The following ULK4 variants were observed in gnomAD, a reference collection of about 807,000 sequenced individuals.
ULK4 encodes the protein inactive serine/threonine-protein kinase ULK4.
ULK4 carries 133 observed loss-of-function variants against 160.6 expected under a neutral mutation model. That is an observed-to-expected ratio of 0.83 (90% confidence interval 0.72 to 0.96). The LOEUF is 0.96. Ranked by LOEUF, ULK4 falls within the 40% of genes least tolerant of loss-of-function variation. The probability of loss-of-function intolerance (pLI) is 0.00; values close to 1 mark genes in which losing one functional copy is unlikely to be tolerated. For synonymous variants in ULK4, 534 were observed against 539.8 expected, an observed-to-expected ratio of 0.99 and a Z score of 0.15; for missense variants, 1,580 against 1,499.5, an observed-to-expected ratio of 1.05 and a Z score of -0.89.
At chr3:41,749,933 TGAA>T (rs1011392820) in intron 22 of ULK4, among the ~76,000 whole-genome samples, 1 of 151,578 alleles carries the variant, frequency 6.6e-6, no homozygotes, top group African/African-American at 2.4e-5. Flanking sequence ...AAACTGTCAA[TGAA>T]GAAGGACAGA....
rs768691723 is a variant in ULK4 at position 41,789,858 on chromosome 3, G to T, written c.2011-15C>A. 3.8e-6 allele frequency: 6 copies of T among 1,573,926 alleles called. No homozygotes were observed. Among genetic ancestry groups the T allele is most frequent in the Non-Finnish European group, 5.2e-6 (6 of 1,160,512 alleles). Reference sequence around the variant, plus strand: ...CTACACAAGGCCTACAAAGACAAGAGAACAGACCTGTCAGGCAACTCCAAG... The same window carrying T: ...CTACACAAGGCCTACAAAGACAAGATAACAGACCTGTCAGGCAACTCCAAG... On this transcript the variant is annotated splice_polypyrimidine_tract_variant and intron_variant, in intron 20 of 36. Transcript: ENST00000301831.
At chr3:41,607,782 CCATGGGCATACA>C (rs989481221) in intron 31 of ULK4, among the ~76,000 whole-genome samples, 2 of 152,004 alleles carry the variant, frequency 1.3e-5, no homozygotes, top group Non-Finnish European at 2.9e-5. Context: ...TAAAAAATAC[CCATGGGCATACA>C]CATGGGCATA....
intron 35 of ULK4, among the ~76,000 whole-genome samples, chr3:41,395,386 ATCAAT>A (rs1384144998): frequency 6.6e-6 from 1 of 152,172 alleles, no homozygotes; most frequent in African/African-American, 2.4e-5. Context: ...ACAAATGTCC[ATCAAT>A]GGATAACACA....
intron 30 of ULK4, among the ~76,000 whole-genome samples, chr3:41,625,156 C>T (rs888575980): frequency 3.9e-5 from 6 of 152,124 alleles, no homozygotes; most frequent in African/African-American, 9.7e-5. Context: ...TGGGTATTGA[C>T]TAGCATGTTT....
intron 19 of ULK4, among the ~76,000 whole-genome samples, chr3:41,806,973 C>T (rs2040661406): frequency 6.6e-6 from 1 of 151,930 alleles, no homozygotes; most frequent in Non-Finnish European, 1.5e-5. Flanking sequence ...CGTGGCAAAA[C>T]CTCTTGTCTC....
At position 41,349,536 on chromosome 3, in the gene ULK4, T is replaced by C. The variant is rs1044620596; in HGVS notation, c.3678+48543A>G. Among the ~76,000 whole-genome samples the C allele has an allele frequency of 9.9e-5, 15 of 152,164 alleles. 1 individual carries two copies. Among genetic ancestry groups the C allele is most frequent in the Non-Finnish European group, 2.9e-5 (2 of 68,038 alleles). On this transcript the variant is annotated intron_variant, in intron 35 of 36. Transcript: ENST00000301831. ...TTCCATGCACCAATACTCAACATTT[T>C]ATGGGCAGACGCATGAGAGGGGCCT...
intron 5 of ULK4, among the ~76,000 whole-genome samples, chr3:41,926,842 G>A (rs545716806): frequency 6.6e-6 from 1 of 151,998 alleles, no homozygotes; most frequent in East Asian, 1.9e-4. Flanking sequence ...CAAGAAATAT[G>A]GGACTGTCAA....
At chr3:41,684,257 C>T (rs966911059) in intron 27 of ULK4, among the ~76,000 whole-genome samples, 1 of 152,192 alleles carries the variant, frequency 6.6e-6, no homozygotes, top group Non-Finnish European at 1.5e-5. Context: ...TTCTTACCAG[C>T]CAGGCTTCTG....
At chr3:41,714,887 T>C (rs576189405) in intron 25 of ULK4, among the ~76,000 whole-genome samples, 2 of 147,424 alleles carry the variant, frequency 1.4e-5, no homozygotes, top group East Asian at 3.9e-4. Flanking sequence ...GATTGGACAA[T>C]ATAAGCCGAA....
intron 31 of ULK4, among the ~76,000 whole-genome samples, chr3:41,571,796 A>T (rs6786017): frequency 0.061 from 9,354 of 152,256 alleles, 861 homozygotes; most frequent in African/African-American, 0.2. Flanking sequence ...AAAATCTTGA[A>T]ACATATATTT....
At chr3:41,576,381 C>T (rs186528265) in intron 31 of ULK4, among the ~76,000 whole-genome samples, 1 of 152,304 alleles carries the variant, frequency 6.6e-6, no homozygotes, top group African/African-American at 2.4e-5. Context: ...AATCCCATCC[C>T]TCACCCAATG....
chr3:41,452,783 T>C (rs2083451245), intron 34 of ULK4, among the ~76,000 whole-genome samples: 1 of 152,080 alleles, frequency 6.6e-6, no homozygotes. Context: ...GAAAAATGCA[T>C]CTGGAAATGA....
chr3:41,841,450 C>T lies in ULK4; in HGVS notation c.1657-5479G>A, dbSNP rs570256274. On this transcript the variant is annotated intron_variant, in intron 17 of 36. Coordinates refer to ENST00000301831, the MANE Select transcript of ULK4 (RefSeq NM_017886.4). ...CCCGTCTGGGAAGTGGGCACCTCTG[C>T]CCGGCCGCCCCGTCTGGGAGGTGAG... is the stretch of plus-strand genomic sequence containing the variant. Among the ~76,000 whole-genome samples, 5 of 150,928 alleles carry T rather than the reference C, an allele frequency of 3.3e-5. No individual in the cohort carries two copies. In the East Asian group the frequency reaches 1.0e-3, roughly 30 times the overall value.
Position 41,919,742 on chromosome 3 carries a change from G to C in ULK4, c.618C>G (p.Gly206=). Residue 206 remains glycine, a synonymous_variant, in exon 6 of 37, where the codon GGC becomes GGG. Transcript: ENST00000301831. ...FSISSDLWSL[G]CLLYEMFSGK... ...CTGAAAACATTTCATAAAGCAGACA[G>C]CCCAAAGACCAGAGGTCACTGGAGA... The C allele has an allele frequency of 1.2e-6, 2 of 1,613,982 alleles. No individual in the cohort carries two copies. Among genetic ancestry groups the C allele is most frequent in the Non-Finnish European group, 1.7e-6 (2 of 1,179,918 alleles).
chr3:41,897,123 A>G (rs1480425650), intron 14 of ULK4, 120 bp from the exon 15 acceptor site: 6 of 801,688 alleles, frequency 7.5e-6, no homozygotes, highest in Admixed American at 3.0e-5. Context: ...TTACACTGTC[A>G]AAACCAAAAA....
intron 34 of ULK4, among the ~76,000 whole-genome samples, chr3:41,449,757 A>C (rs1321515009): frequency 6.6e-6 from 1 of 151,848 alleles, no homozygotes; most frequent in African/African-American, 2.4e-5. Context: ...CTTTTTCTAC[A>C]TTGTGTTTTA....
In ULK4 at chr3:41,672,218, A is replaced by T. The variant is rs576729228; in HGVS notation, c.2979-8519T>A. ...TGATCCAGCAATTCCATTGCTAGGT[A>T]TTTATCCAAAGGAAAAGAAATCAAT... On this transcript the variant is annotated intron_variant, in intron 29 of 36. Transcript: ENST00000301831. 4.6e-5 allele frequency among the ~76,000 whole-genome samples: 7 copies of T among 152,326 alleles called. No homozygotes were observed. The East Asian group carries it at 9.6e-4, about 21-fold the overall frequency.
chr3:41,874,776 G>C (rs1697238402), intron 17 of ULK4, among the ~76,000 whole-genome samples: 1 of 152,132 alleles, frequency 6.6e-6, no homozygotes. Flanking sequence ...GGTGACCAGT[G>C]CACTAAAATC....
chr3:41,919,082 C>T (rs28485406), intron 6 of ULK4, among the ~76,000 whole-genome samples: 8,630 of 152,264 alleles, frequency 0.057, 447 homozygotes, highest in East Asian at 0.17. Flanking sequence ...TGGACCACTA[C>T]TATGAACCAA....
Sources: gnomAD v4.1 joint callset for allele counts (sites outside exome capture counted in the v4.1 genomes callset) on GRCh38, gnomAD v4.1.1 for gene constraint, MANE v1.5 for transcripts, NCBI Gene and HGNC (gene_info 2026-07-23, HGNC 2026-07-21) for gene names.